ANO3: variants seen among roughly 807,000 people sequenced by gnomAD.
ANO3 encodes the protein anoctamin-3.
In ANO3, 99 loss-of-function variants were observed where a neutral mutation model predicts 144.8. The observed-to-expected ratio is 0.68, with a 90% CI of 0.58 to 0.81. The LOEUF is 0.81. Ranked by LOEUF, ANO3 falls within the 30% of genes least tolerant of loss-of-function variation. The probability of loss-of-function intolerance (pLI) is 0.00; values close to 1 mark genes in which losing one functional copy is unlikely to be tolerated. For missense variants in ANO3, 905 were observed against 1,202.2 expected (o/e 0.75, Z 3.66); for synonymous variants, 414 against 392.6 (o/e 1.05, Z -0.64).
intron 1 of ANO3, among the ~76,000 whole-genome samples, chr11:26,286,578 T>C (rs1466668514): frequency 6.6e-6 from 1 of 152,216 alleles, no homozygotes; most frequent in Non-Finnish European, 1.5e-5. Flanking sequence ...GTGATATGAA[T>C]TGCCTTGGGA....
intron 1 of ANO3, among the ~76,000 whole-genome samples, chr11:26,434,220 T>C (rs1319544860): frequency 6.6e-6 from 1 of 152,164 alleles, no homozygotes; most frequent in African/African-American, 2.4e-5. Flanking sequence ...AGGTGTTCAT[T>C]AATACTCTCT....
chr11:26,542,554 C>G (rs530310883), intron 11 of ANO3, among the ~76,000 whole-genome samples: 84 of 149,794 alleles, frequency 5.6e-4, no homozygotes, highest in African/African-American at 2.0e-3. Flanking sequence ...ATGTCCAAAC[C>G]GAAAAAAAGA....
intron 1 of ANO3, among the ~76,000 whole-genome samples, chr11:26,323,463 T>A (rs1854809012): frequency 6.6e-6 from 1 of 152,138 alleles, no homozygotes; most frequent in African/African-American, 2.4e-5. Flanking sequence ...GGTTGAATAT[T>A]AAATGGCTGG....
intron 1 of ANO3, among the ~76,000 whole-genome samples, chr11:26,362,831 A>G (rs1855964056): frequency 6.6e-6 from 1 of 152,168 alleles, no homozygotes; most frequent in Non-Finnish European, 1.5e-5. Context: ...CCTTCTTTAT[A>G]ATTTTATTGT....
intron 1 of ANO3, among the ~76,000 whole-genome samples, chr11:26,349,703 C>G (rs1455606839): frequency 3.3e-5 from 5 of 152,180 alleles, no homozygotes; most frequent in East Asian, 1.9e-4. Context: ...CGCCCGCCAC[C>G]GAGCCCGGCT....
chr11:26,593,602 G>T (rs1445426915), intron 14 of ANO3, among the ~76,000 whole-genome samples: 1 of 152,190 alleles, frequency 6.6e-6, no homozygotes, highest in African/African-American at 2.4e-5. Flanking sequence ...TCCTGCTGCT[G>T]GATCATCTGG....
chr11:26,565,933 A>G, intron 14 of ANO3: 1 of 1,496,946 alleles, frequency 6.7e-7, no homozygotes, highest in East Asian at 2.3e-5. Flanking sequence ...TTCCTTAAAT[A>G]AAATACTCTG....
At chr11:26,259,272 T>C (rs1853128004) in intron 1 of ANO3, among the ~76,000 whole-genome samples, 1 of 152,216 alleles carries the variant, frequency 6.6e-6, no homozygotes, top group Admixed American at 6.5e-5. Flanking sequence ...GTTGAATAGA[T>C]TGACTATTGT....
intron 4 of ANO3, among the ~76,000 whole-genome samples, chr11:26,481,741 T>C (rs1860225669): frequency 6.6e-6 from 1 of 152,124 alleles, no homozygotes; most frequent in African/African-American, 2.4e-5. Context: ...AGGGAAAGAA[T>C]GTCTATAAAC....
intron 14 of ANO3, among the ~76,000 whole-genome samples, chr11:26,593,482 C>G (rs1282166336): frequency 6.6e-6 from 1 of 152,124 alleles, no homozygotes; most frequent in Non-Finnish European, 1.5e-5. Flanking sequence ...ACTAAGAAGG[C>G]CGCGCCAGTG....
chr11:26,407,536 T>TAGCCAC, intron 1 of ANO3, among the ~76,000 whole-genome samples: 1 of 151,988 alleles, frequency 6.6e-6, no homozygotes, highest in South Asian at 2.1e-4. Context: ...TCTAGTCCCA[T>TAGCCAC]AGCCACAGCC....
At chr11:26,410,259 T>C (rs2133984989) in intron 1 of ANO3, among the ~76,000 whole-genome samples, 1 of 152,058 alleles carries the variant, frequency 6.6e-6, no homozygotes, top group East Asian at 1.9e-4. Context: ...TATAAGGCCT[T>C]ACAATATAAC....
chr11:26,368,916 G>A (rs960492956), intron 1 of ANO3, among the ~76,000 whole-genome samples: 10 of 151,338 alleles, frequency 6.6e-5, no homozygotes, highest in Admixed American at 1.3e-4. Flanking sequence ...AATATTCAAG[G>A]TGAACTGGTT....
chr11:26,283,321 A>ATATATATATATATATAT (rs1853722376), intron 1 of ANO3, among the ~76,000 whole-genome samples: 2 of 49,120 alleles, frequency 4.1e-5, no homozygotes, highest in Non-Finnish European at 8.1e-5. Flanking sequence ...CAAATAAATA[A>ATATATATATATATATAT]ATATATATAT....
intron 1 of ANO3, among the ~76,000 whole-genome samples, chr11:26,268,315 C>T (rs1168139057): frequency 6.6e-6 from 1 of 152,086 alleles, no homozygotes; most frequent in Non-Finnish European, 1.5e-5. Flanking sequence ...CAGTCTTTGG[C>T]ATTTTTAATA....
At chr11:26,492,658 C>A (rs897788238) in intron 4 of ANO3, among the ~76,000 whole-genome samples, 2 of 152,194 alleles carry the variant, frequency 1.3e-5, no homozygotes, top group African/African-American at 4.8e-5. Context: ...TTAGACTAAT[C>A]AACTCATTTA....
At chr11:26,660,160 T>C in intron 26 of ANO3, 102 bp from the exon 27 acceptor site, 1 of 1,012,290 alleles carries the variant, frequency 9.9e-7, no homozygotes, top group South Asian at 1.4e-5. Flanking sequence ...TAAGTTCTGA[T>C]GCTTGATTCA....
intron 4 of ANO3, among the ~76,000 whole-genome samples, chr11:26,464,207 T>C (rs1227565657): frequency 6.7e-6 from 1 of 150,016 alleles, no homozygotes; most frequent in African/African-American, 2.5e-5. Context: ...GATTTCTTTA[T>C]TACTGTTTGT....
At chr11:26,377,038 A>C (rs1856432659) in intron 1 of ANO3, among the ~76,000 whole-genome samples, 1 of 152,140 alleles carries the variant, frequency 6.6e-6, no homozygotes, top group African/African-American at 2.4e-5. Context: ...TCATCCTAGA[A>C]AGTCTCAAAG....
Sources: gnomAD v4.1 joint callset for allele counts (sites outside exome capture counted in the v4.1 genomes callset) on GRCh38, gnomAD v4.1.1 for gene constraint, MANE v1.5 for transcripts, NCBI Gene and HGNC (gene_info 2026-07-23, HGNC 2026-07-21) for gene names.